Variants in TSNARE1 observed in about 807,000 individuals in gnomAD.
TSNARE1 encodes the protein t-SNARE domain containing 1, also known as t-SNARE domain-containing protein 1.
A neutral mutation model predicts 62.0 loss-of-function variants in TSNARE1; 49 were observed. The observed-to-expected ratio is 0.79, with a 90% CI of 0.63 to 1.00. The LOEUF (loss-of-function observed/expected upper bound fraction) is 1.00. Among genes scored for constraint, TSNARE1 ranks in the 50% least tolerant of loss-of-function variants. The pLI is 0.00. For synonymous variants in TSNARE1, 328 were observed against 294.4 expected, an observed-to-expected ratio of 1.11 and a Z score of -1.17; for missense variants, 755 against 700.1, an observed-to-expected ratio of 1.08 and a Z score of -0.88.
At chr8:142,333,581 C>G (rs1250663204) in intron 4 of TSNARE1, among the ~76,000 whole-genome samples, 1 of 152,182 alleles carries the variant, frequency 6.6e-6, no homozygotes, top group Non-Finnish European at 1.5e-5. Context: ...GGCTGGATAT[C>G]TGGGTTTCCA....
intron 9 of TSNARE1, among the ~76,000 whole-genome samples, chr8:142,305,203 G>C (rs565231631): frequency 1.3e-5 from 2 of 152,194 alleles, no homozygotes; most frequent in African/African-American, 2.4e-5. Flanking sequence ...CCCTGGACTT[G>C]GGGGTTTCAG....
chr8:142,253,334 G>T (rs1232722034), intron 12 of TSNARE1, among the ~76,000 whole-genome samples: 1 of 152,216 alleles, frequency 6.6e-6, no homozygotes, highest in Non-Finnish European at 1.5e-5. Flanking sequence ...TCTGCACAGG[G>T]TCAGAGGGCC....
intron 2 of TSNARE1, among the ~76,000 whole-genome samples, chr8:142,352,556 G>C (rs72614029): frequency 2.6e-5 from 4 of 152,262 alleles, no homozygotes; most frequent in Non-Finnish European, 4.4e-5. Context: ...TGCGGAACAC[G>C]CACAGACGCC....
At chr8:142,246,611 G>A (rs1466511492) in intron 12 of TSNARE1, among the ~76,000 whole-genome samples, 6 of 152,308 alleles carry the variant, frequency 3.9e-5, no homozygotes, top group East Asian at 1.9e-4. Context: ...TCTGCCCCTC[G>A]AGTGTAGCTT....
chr8:142,236,609 T>TA (rs962963957), intron 12 of TSNARE1, among the ~76,000 whole-genome samples: 1 of 151,270 alleles, frequency 6.6e-6, no homozygotes, highest in Non-Finnish European at 1.5e-5. Context: ...ATTAATTAAT[T>TA]AAAAAAATTC....
At chr8:142,298,707 T>C (rs1231109694) in intron 10 of TSNARE1, among the ~76,000 whole-genome samples, 1 of 152,102 alleles carries the variant, frequency 6.6e-6, no homozygotes, top group African/African-American at 2.4e-5. Flanking sequence ...CAGCGCCTCC[T>C]CTCTCCTCAC....
At position 142,318,765 on chromosome 8, in the gene TSNARE1, G is replaced by A. The variant is rs544580390; in HGVS notation, c.894-131C>T. ...GACAGAGACAGATGGATGGACAGGC[G>A]GAGAGAGGGCCGAGAGACACACAGA... On this transcript the variant is annotated intron_variant, in intron 6 of 13. Coordinates refer to ENST00000524325, the MANE Select transcript of TSNARE1 (RefSeq NM_145003.5). The A allele has an allele frequency of 1.2e-4, 88 of 762,420 alleles. 1 individual carries two copies. The African/African-American group carries it at 1.2e-3, about 10-fold the overall frequency. 47.2% of individuals were successfully genotyped at this position (762,420 alleles called of 1,614,324 possible).
intron 1 of TSNARE1, among the ~76,000 whole-genome samples, chr8:142,375,196 G>A: frequency 6.6e-6 from 1 of 152,262 alleles, no homozygotes; most frequent in East Asian, 1.9e-4. Flanking sequence ...CCACACATCT[G>A]CTTCTGGGTG....
rs576047909 is a variant in TSNARE1 at position 142,381,462 on chromosome 8, A to G, written c.-40+21642T>C. Among the ~76,000 whole-genome samples, 4 of 142,436 alleles carry G rather than the reference A, an allele frequency of 2.8e-5. No individual in the cohort carries two copies. In the South Asian group the frequency reaches 9.4e-4, roughly 33 times the overall value. 93.4% of individuals were successfully genotyped at this position (142,436 alleles called of 152,430 possible). A position where few individuals can be genotyped will look rare whatever the true frequency, so the allele number is the denominator to read the frequency against. ...ATGGGCTCTCCCCTTGCTAAAACCT[A>G]TCAGCGCCCCCCCCCACCCCACCAA... On this transcript the variant is annotated intron_variant, in intron 1 of 13. Coordinates refer to ENST00000524325, the MANE Select transcript of TSNARE1 (RefSeq NM_145003.5).
chr8:142,276,958 A>G, intron 11 of TSNARE1: 1 of 985,456 alleles, frequency 1.0e-6, no homozygotes, highest in Non-Finnish European at 1.2e-6. Context: ...GCCCCGGCGC[A>G]GTGCACAGAG....
chr8:142,379,741 T>G (rs1329339423), intron 1 of TSNARE1, among the ~76,000 whole-genome samples: 2 of 152,040 alleles, frequency 1.3e-5, no homozygotes, highest in African/African-American at 2.4e-5. Flanking sequence ...AGCTCAGGGC[T>G]CCAGCTTTAC....
At chr8:142,265,879 GTCGGA>G (rs761456748) in intron 12 of TSNARE1, among the ~76,000 whole-genome samples, 3 of 152,214 alleles carry the variant, frequency 2.0e-5, no homozygotes, top group East Asian at 3.8e-4. Flanking sequence ...TTTGGTGAGT[GTCGGA>G]TCAAATTGTT....
At chr8:142,370,122 C>A (rs931808777) in intron 1 of TSNARE1, among the ~76,000 whole-genome samples, 4 of 152,258 alleles carry the variant, frequency 2.6e-5, no homozygotes, top group Admixed American at 6.5e-5. Context: ...CATCTAGGAA[C>A]TAGGACATAG....
intron 11 of TSNARE1, among the ~76,000 whole-genome samples, chr8:142,281,580 C>T (rs1352787727): frequency 6.6e-6 from 1 of 151,910 alleles, no homozygotes; most frequent in Non-Finnish European, 1.5e-5. Context: ...GGCCACAGCG[C>T]ATGGAGTCAG....
intron 12 of TSNARE1, among the ~76,000 whole-genome samples, chr8:142,250,926 C>T (rs1818128803): frequency 6.6e-6 from 1 of 152,204 alleles, no homozygotes; most frequent in Admixed American, 6.5e-5. Flanking sequence ...CACCACTGTC[C>T]AGGCCCGAGG....
intron 13 of TSNARE1, among the ~76,000 whole-genome samples, chr8:142,222,503 TCCACTCAC>T (rs2129946174): frequency 2.9e-5 from 1 of 34,196 alleles, no homozygotes; most frequent in Non-Finnish European, 5.3e-5. Context: ...CACTCACTCA[TCCACTCAC>T]TCACTCACTC....
chr8:142,383,817 A>C (rs1836935300), intron 1 of TSNARE1, among the ~76,000 whole-genome samples: 1 of 152,186 alleles, frequency 6.6e-6, no homozygotes, highest in Admixed American at 6.5e-5. Flanking sequence ...CCTTAAAACA[A>C]CAAGGAGAAT....
intron 2 of TSNARE1, among the ~76,000 whole-genome samples, chr8:142,347,863 G>A (rs1024241822): frequency 6.6e-5 from 10 of 151,696 alleles, no homozygotes; most frequent in East Asian, 2.0e-4. Flanking sequence ...CACTGCATCC[G>A]TTCACCCAAG....
At chr8:142,285,098 CA>C (rs1376302318) in intron 10 of TSNARE1, among the ~76,000 whole-genome samples, 1 of 151,970 alleles carries the variant, frequency 6.6e-6, no homozygotes, top group Non-Finnish European at 1.5e-5. Context: ...GGATGATGGA[CA>C]GATGCGTGAA....
Sources: allele counts gnomAD v4.1 joint callset (sites outside exome capture counted in the v4.1 genomes callset), GRCh38; gene constraint gnomAD v4.1.1; transcripts MANE v1.5; gene names NCBI Gene and HGNC (gene_info 2026-07-23, HGNC 2026-07-21).